The following DNAJA3 variants were observed in gnomAD, a reference collection of about 807,000 sequenced individuals.
DNAJA3 encodes DnaJ heat shock protein family (Hsp40) member A3.
Under a neutral mutation model 54.9 loss-of-function variants are expected in DNAJA3, and 29 were observed. That is an observed-to-expected ratio of 0.53 (90% CI 0.39 to 0.72). The LOEUF (loss-of-function observed/expected upper bound fraction) is 0.72. Among genes scored for constraint, DNAJA3 ranks in the 30% least tolerant of loss-of-function variants. The pLI is 0.00. For synonymous variants in DNAJA3, 302 were observed against 251.4 expected, an observed-to-expected ratio of 1.20 and a Z score of -1.90; for missense variants, 708 against 639.4, an observed-to-expected ratio of 1.11 and a Z score of -1.16.
rs1385350858 is a variant in DNAJA3 at position 4,442,272 on chromosome 16, T to C, written c.635T>C (p.Phe212Ser). 1.3e-6 allele frequency: 2 copies of C among 1,590,022 alleles called. No individual in the cohort carries two copies. Among genetic ancestry groups the C allele is most frequent in the Non-Finnish European group, 1.7e-6 (2 of 1,166,664 alleles). ...GCTGTCCCTTGGTTTCTTTAGTACT[T>C]CATGGAGTTGACATTCAATCAAGCT... ...QTVFDQPQEY[F>S]MELTFNQAAK... The change falls in exon 5 of 12, where the codon TTC becomes TCC. Residue 212 changes from phenylalanine to serine, a missense_variant. Phe to Ser is a radical substitution (Grantham distance 155). Transcript: ENST00000262375.
At chr16:4,430,841 C>G (rs541904569) in intron 1 of DNAJA3, 1 of 151,160 alleles carries the variant, frequency 6.6e-6, no homozygotes, top group South Asian at 2.1e-4. Context: ...GTCAGGAGTT[C>G]GAGACCAGCC....
At chr16:4,442,449 C>T (rs1421752101) in intron 5 of DNAJA3, 29 bp downstream of exon 5, 2 of 1,549,140 alleles carry the variant, frequency 1.3e-6, no homozygotes, top group Non-Finnish European at 1.7e-6. Flanking sequence ...CTCCACCTCC[C>T]ACGGCTTGCA....
chr16:4,453,149 G>C lies in DNAJA3; in HGVS notation c.1340-1662G>C, dbSNP rs886332889. On this transcript the variant is annotated intron_variant, in intron 10 of 11. Transcript: ENST00000262375. ...AGCTCACGGCAGCCTCAAACTCCTG[G>C]ACTCAAGTGATCCTCCCACCTTGGC... 4.6e-5 allele frequency among the ~76,000 whole-genome samples: 7 copies of C among 152,168 alleles called. No individual in the cohort carries two copies. The East Asian group carries it at 9.7e-4, about 21-fold the overall frequency.
At position 4,455,714 on chromosome 16, in the gene DNAJA3, G is replaced by A; in HGVS notation, c.*182G>A. 1 of 915,794 alleles carries A rather than the reference G, an allele frequency of 1.1e-6. No individual in the cohort carries two copies. Among genetic ancestry groups the A allele is most frequent in the Non-Finnish European group, 1.7e-6 (1 of 589,400 alleles). The allele number at this position is 915,794 out of a possible 1,614,324, so 56.7% of individuals were successfully genotyped here. A position where few individuals can be genotyped will look rare whatever the true frequency, so the allele number is the denominator to read the frequency against. ...GGGACAACACCTCTCTCCACGGAAA[G>A]GTCACAGTGGACAGCCCGGGCAGTA... On this transcript the variant is annotated 3_prime_UTR_variant, in exon 12 of 12. Coordinates refer to ENST00000262375, the MANE Select transcript of DNAJA3 (RefSeq NM_005147.6).
chr16:4,429,044 G>A (rs1308188422), intron 1 of DNAJA3, among the ~76,000 whole-genome samples: 1 of 150,480 alleles, frequency 6.6e-6, no homozygotes, highest in Non-Finnish European at 1.5e-5. Flanking sequence ...ACCTGCAACC[G>A]CGCCCAGCTA....
chr16:4,444,021 G>C (rs1191757214), intron 6 of DNAJA3, among the ~76,000 whole-genome samples: 1 of 152,178 alleles, frequency 6.6e-6, no homozygotes, highest in Non-Finnish European at 1.5e-5. Context: ...TTTCTCTAGA[G>C]TTGTGAGCAT....
At chr16:4,426,978 C>G (rs990118850) in intron 1 of DNAJA3, 1 of 151,770 alleles carries the variant, frequency 6.6e-6, no homozygotes, top group Non-Finnish European at 1.5e-5. Context: ...AGTGCAGTGG[C>G]TCAATCTCGA....
chr16:4,443,091 A>T lies in DNAJA3; in HGVS notation c.858A>T (p.Ile286=). Residue 286 remains isoleucine, a synonymous_variant, in exon 6 of 12, where the codon ATA becomes ATT. Coordinates refer to ENST00000262375, the MANE Select transcript of DNAJA3 (RefSeq NM_005147.6). ...RRCGGRGSII[I]SPCVVCRGAG... The stretch of plus-strand genomic sequence containing the variant: ...GTGGTGGCCGCGGCTCCATCATCAT[A>T]TCGCCCTGTGTGGTCTGCAGGGGAG... 1 of 1,614,020 alleles carries T rather than the reference A, an allele frequency of 6.2e-7. No individual in the cohort carries two copies. The highest frequency in any genetic ancestry group is 8.5e-7 in the Non-Finnish European group (1 of 1,180,016).
At chr16:4,454,131 C>T (rs568922759) in intron 10 of DNAJA3, among the ~76,000 whole-genome samples, 11 of 152,308 alleles carry the variant, frequency 7.2e-5, no homozygotes, top group South Asian at 6.2e-4. Context: ...GGGAGATAGA[C>T]TGCTGATGTG....
Position 4,441,412 on chromosome 16 carries a change from C to T in DNAJA3, c.467C>T (p.Ala156Val), listed in dbSNP as rs113905394. ...GAGGTGAAGAGGAAGCAGTACGATGCCTACGGCTCTGCAGGCTTCGATCCT... is the reference window on the plus strand; with the variant it reads ...GAGGTGAAGAGGAAGCAGTACGATGTCTACGGCTCTGCAGGCTTCGATCCT... Reference protein sequence around the residue: ...SDEVKRKQYDAYGSAGFDPGA... With the variant: ...SDEVKRKQYDVYGSAGFDPGA... The change falls in exon 4 of 12, where the codon GCC becomes GTC. Residue 156 changes from alanine (A) to valine (V), a missense_variant. Coordinates refer to ENST00000262375, the MANE Select transcript of DNAJA3 (RefSeq NM_005147.6). 1.1e-4 allele frequency: 181 copies of T among 1,614,044 alleles called. 1 individual carries two copies. The African/African-American group carries it at 1.7e-3, about 15-fold the overall frequency.
chr16:4,429,365 A>G (rs1317918735), intron 1 of DNAJA3, among the ~76,000 whole-genome samples: 1 of 152,088 alleles, frequency 6.6e-6, no homozygotes, highest in Non-Finnish European at 1.5e-5. Context: ...CTGGGACTAC[A>G]GGCACGTGCC....
At chr16:4,439,452 C>T (rs2056813652) in intron 3 of DNAJA3, among the ~76,000 whole-genome samples, 1 of 152,040 alleles carries the variant, frequency 6.6e-6, no homozygotes, top group South Asian at 2.1e-4. Context: ...CTCTTGGGCT[C>T]AAGCAGTTTT....
intron 10 of DNAJA3, among the ~76,000 whole-genome samples, chr16:4,451,391 G>T (rs1337516010): frequency 6.6e-6 from 1 of 152,028 alleles, no homozygotes; most frequent in Non-Finnish European, 1.5e-5. Context: ...GCAGGGGCAG[G>T]GGCTGGGATG....
chr16:4,436,251 G>A (rs2056770907), intron 2 of DNAJA3, among the ~76,000 whole-genome samples: 1 of 152,168 alleles, frequency 6.6e-6, no homozygotes, highest in Admixed American at 6.5e-5. Flanking sequence ...AGAGCGAATG[G>A]CCTGTCTCTT....
intron 1 of DNAJA3, among the ~76,000 whole-genome samples, chr16:4,426,425 A>G (rs1033197403): frequency 6.6e-6 from 1 of 152,176 alleles, no homozygotes; most frequent in Non-Finnish European, 1.5e-5. Context: ...AGCGGAAGGG[A>G]AGAGCTAACT....
intron 1 of DNAJA3, among the ~76,000 whole-genome samples, chr16:4,426,453 A>G (rs1212962282): frequency 2.0e-5 from 3 of 152,200 alleles, no homozygotes; most frequent in Non-Finnish European, 4.4e-5. Context: ...GGAGAGGCCT[A>G]GGTACTTTGT....
chr16:4,432,496 C>G (rs1286887762), intron 1 of DNAJA3, among the ~76,000 whole-genome samples: 1 of 151,704 alleles, frequency 6.6e-6, no homozygotes, highest in African/African-American at 2.4e-5. Context: ...GCATGTACCA[C>G]CACATCCGGC....
chr16:4,443,915 T>C (rs2056869802), intron 6 of DNAJA3, among the ~76,000 whole-genome samples: 1 of 152,226 alleles, frequency 6.6e-6, no homozygotes, highest in African/African-American at 2.4e-5. Context: ...CTCGATCTCC[T>C]GACCTCGTGA....
At chr16:4,450,540 G>A (rs755263956) in intron 10 of DNAJA3, 43 bp downstream of exon 10, 8 of 1,481,522 alleles carry the variant, frequency 5.4e-6, no homozygotes, top group Non-Finnish European at 7.4e-6. Context: ...GGGGGCCTCA[G>A]AGCCCCCCAG....
Sources: allele counts gnomAD v4.1 joint callset (sites outside exome capture counted in the v4.1 genomes callset), GRCh38; gene constraint gnomAD v4.1.1; transcripts MANE v1.5; gene names NCBI Gene and HGNC (gene_info 2026-07-23, HGNC 2026-07-21).